LDLRAD4: variants seen among roughly 807,000 people sequenced by gnomAD.
LDLRAD4 encodes the protein low-density lipoprotein receptor class A domain-containing protein 4.
In LDLRAD4, 5 loss-of-function variants were observed where a neutral mutation model predicts 17.0. The observed-to-expected ratio is 0.29, with a 90% CI of 0.15 to 0.62. The LOEUF is 0.62. LDLRAD4 is among the 20% of genes least tolerant of loss of function. The pLI is 0.84. For synonymous variants in LDLRAD4, 168 were observed against 171.8 expected, an observed-to-expected ratio of 0.98 and a Z score of 0.17; for missense variants, 340 against 424.7, an observed-to-expected ratio of 0.80 and a Z score of 1.75.
At chr18:13,433,917 A>C (rs770127200) in intron 2 of LDLRAD4, among the ~76,000 whole-genome samples, 1 of 152,202 alleles carries the variant, frequency 6.6e-6, no homozygotes, top group Non-Finnish European at 1.5e-5. Context: ...CCTTCAGGAC[A>C]AAAAAGGGTT....
At chr18:13,637,505 A>G (rs2042175779) in intron 4 of LDLRAD4, among the ~76,000 whole-genome samples, 1 of 152,180 alleles carries the variant, frequency 6.6e-6, no homozygotes, top group African/African-American at 2.4e-5. Context: ...CACCTTTGGA[A>G]TACTGTTTAA....
At chr18:13,603,072 T>TTAA (rs10660383) in intron 3 of LDLRAD4, among the ~76,000 whole-genome samples, 63,689 of 151,908 alleles carry the variant, frequency 0.42, 13,375 homozygotes, top group Non-Finnish European at 0.45. Flanking sequence ...ATTTAAGTTT[T>TTAA]TAAAGTACCT....
intron 1 of LDLRAD4, among the ~76,000 whole-genome samples, chr18:13,319,902 A>G (rs1349428097): frequency 1.3e-5 from 2 of 152,236 alleles, no homozygotes; most frequent in Non-Finnish European, 2.9e-5. Context: ...ACTTGAGGCC[A>G]CTATGTCTCA....
chr18:13,566,946 G>C (rs976495844), intron 3 of LDLRAD4, among the ~76,000 whole-genome samples: 4 of 152,218 alleles, frequency 2.6e-5, no homozygotes, highest in Non-Finnish European at 5.9e-5. Flanking sequence ...TGTGAGGAGA[G>C]GGTCCTGCTG....
intron 3 of LDLRAD4, among the ~76,000 whole-genome samples, chr18:13,481,422 G>A (rs552080467): frequency 2.0e-5 from 3 of 152,258 alleles, no homozygotes; most frequent in Non-Finnish European, 2.9e-5. Context: ...ACGTGTAGAC[G>A]CTGACTGTGG....
chr18:13,339,424 A>G (rs1443420823), intron 1 of LDLRAD4, among the ~76,000 whole-genome samples: 1 of 152,102 alleles, frequency 6.6e-6, no homozygotes, highest in African/African-American at 2.4e-5. Flanking sequence ...GATGGTCTCA[A>G]TCTCTTGACC....
chr18:13,541,283 A>G (rs1349709855), intron 3 of LDLRAD4, among the ~76,000 whole-genome samples: 1 of 152,250 alleles, frequency 6.6e-6, no homozygotes, highest in Admixed American at 6.5e-5. Context: ...TGCGTGGTCC[A>G]CTTTAAGTTG....
chr18:13,363,273 A>G (rs2083808934), intron 1 of LDLRAD4, among the ~76,000 whole-genome samples: 1 of 145,138 alleles, frequency 6.9e-6, no homozygotes, highest in Admixed American at 7.4e-5. Context: ...TGGAGCTTGC[A>G]GTGAGCCGAG....
chr18:13,559,733 G>A (rs981127997), intron 3 of LDLRAD4, among the ~76,000 whole-genome samples: 5 of 152,174 alleles, frequency 3.3e-5, no homozygotes, highest in Non-Finnish European at 5.9e-5. Flanking sequence ...AGAAAACTGG[G>A]TTCAGACAGC....
At chr18:13,409,705 T>A (rs998891006) in intron 2 of LDLRAD4, among the ~76,000 whole-genome samples, 2 of 152,180 alleles carry the variant, frequency 1.3e-5, no homozygotes, top group Non-Finnish European at 2.9e-5. Flanking sequence ...GAGAAGAGTT[T>A]CAGATGAATT....
intron 3 of LDLRAD4, among the ~76,000 whole-genome samples, chr18:13,562,265 T>G (rs2094549605): frequency 6.6e-6 from 1 of 152,188 alleles, no homozygotes; most frequent in Non-Finnish European, 1.5e-5. Flanking sequence ...AGAGGGACTG[T>G]CATGGAATCA....
At chr18:13,569,771 G>C (rs887093722) in intron 3 of LDLRAD4, among the ~76,000 whole-genome samples, 1 of 152,196 alleles carries the variant, frequency 6.6e-6, no homozygotes, top group Admixed American at 6.5e-5. Flanking sequence ...GGTAATCCCA[G>C]CTACTTGGGA....
chr18:13,309,409 A>G (rs148975664), intron 1 of LDLRAD4, among the ~76,000 whole-genome samples: 14 of 152,278 alleles, frequency 9.2e-5, no homozygotes, highest in African/African-American at 2.6e-4. Flanking sequence ...TCCAGTCCCA[A>G]TTTCTCTTCC....
chr18:13,649,103 A>T (rs1373386536), exon 6 of LDLRAD4: 2 of 152,238 alleles, frequency 1.3e-5, no homozygotes, highest in Admixed American at 1.3e-4. Context: ...TAAAAGATTT[A>T]TCGTGAGGAC....
chr18:13,370,715 T>TTTTTTTTGTGTTTG (rs1555663266), intron 1 of LDLRAD4, among the ~76,000 whole-genome samples: 1 of 121,000 alleles, frequency 8.3e-6, no homozygotes. Context: ...TTTGTTTTGT[T>TTTTTTTTGTGTTTG]TTTTTTTTTT....
At chr18:13,642,477 G>T (rs2042661392) in intron 4 of LDLRAD4, 1 of 1,209,082 alleles carries the variant, frequency 8.3e-7, no homozygotes, top group Admixed American at 4.4e-5. Context: ...TGTCAATCTG[G>T]CCAAACGTTT....
At chr18:13,578,697 A>G (rs180900916) in intron 3 of LDLRAD4, among the ~76,000 whole-genome samples, 109 of 152,272 alleles carry the variant, frequency 7.2e-4, no homozygotes, top group African/African-American at 2.1e-3. Context: ...TTAGCGAACC[A>G]TAATATATTT....
intron 3 of LDLRAD4, among the ~76,000 whole-genome samples, chr18:13,571,878 C>T (rs566271468): frequency 2.0e-3 from 312 of 152,248 alleles, no homozygotes; most frequent in Non-Finnish European, 3.6e-3. Context: ...CCTCGTGATC[C>T]ACCCGCCTCA....
chr18:13,449,984 C>T (rs749653618), intron 3 of LDLRAD4, among the ~76,000 whole-genome samples: 57 of 152,278 alleles, frequency 3.7e-4, no homozygotes, highest in Non-Finnish European at 6.6e-4. Flanking sequence ...CTTGACTTCA[C>T]GTGACTTTTT....
Sources: gnomAD v4.1 joint callset for allele counts (sites outside exome capture counted in the v4.1 genomes callset) on GRCh38, gnomAD v4.1.1 for gene constraint, MANE v1.5 for transcripts, NCBI Gene and HGNC (gene_info 2026-07-23, HGNC 2026-07-21) for gene names.